CNTN4: variants seen among roughly 807,000 people sequenced by gnomAD.
CNTN4 encodes the protein contactin-4.
CNTN4 carries 77 observed loss-of-function variants against 122.5 expected under a neutral mutation model. The ratio of observed to expected loss-of-function variants is 0.63; its 90% CI spans 0.52 to 0.76. The LOEUF (loss-of-function observed/expected upper bound fraction) is 0.76. Ranked by LOEUF, CNTN4 falls within the 30% of genes least tolerant of loss-of-function variation. The probability of loss-of-function intolerance (pLI) is 0.00; values close to 1 mark genes in which losing one functional copy is unlikely to be tolerated. For synonymous variants in CNTN4, 512 were observed against 447.0 expected, an observed-to-expected ratio of 1.15 and a Z score of -1.83; for missense variants, 1,256 against 1,259.1, an observed-to-expected ratio of 1.00 and a Z score of 0.04.
chr3:3,042,450 T>C, intron 21 of CNTN4, 28 bp downstream of exon 21: 2 of 1,416,600 alleles, frequency 1.4e-6, no homozygotes, highest in Non-Finnish European at 2.0e-6. Flanking sequence ...GCCTTGGGTC[T>C]GAAAGAGAGT....
In CNTN4 at chr3:2,602,811, G is replaced by T. The variant is rs528199060; in HGVS notation, c.55+31253G>T. 2.0e-4 allele frequency among the ~76,000 whole-genome samples: 31 copies of T among 152,238 alleles called. 1 individual carries two copies. Among genetic ancestry groups the T allele is most frequent in the Admixed American group, 1.3e-3 (20 of 15,286 alleles). ...AGAAGCAGAGAAAACTAAAGTACAG[G>T]TTGTCTTCCTTAGCAAGTACAACCT... is the stretch of plus-strand genomic sequence containing the variant. On this transcript the variant is annotated intron_variant, in intron 4 of 24. Transcript: ENST00000418658.
chr3:2,870,839 G>T (rs2150874682), intron 8 of CNTN4, among the ~76,000 whole-genome samples: 1 of 152,204 alleles, frequency 6.6e-6, no homozygotes, highest in Non-Finnish European at 1.5e-5. Context: ...TAAGCAGTCT[G>T]GACTATGATT....
rs73104039 is a variant in CNTN4, at chr3:2,408,773, T to A, written c.-89+69540T>A. The stretch of plus-strand genomic sequence containing the variant: ...TTCATCATAGAATAAAATGTGGTGT[T>A]AGTAGATGTCAGTGTCATCATAGAT... On this transcript the variant is annotated intron_variant, in intron 3 of 24. Transcript: ENST00000418658. 6.8e-3 allele frequency among the ~76,000 whole-genome samples: 1,041 copies of A among 152,300 alleles called. 13 individuals are homozygous for A. Among genetic ancestry groups the A allele is most frequent in the African/African-American group, 0.023 (961 of 41,572 alleles).
At chr3:2,790,041 C>G (rs183841960) in intron 6 of CNTN4, among the ~76,000 whole-genome samples, 73 of 152,190 alleles carry the variant, frequency 4.8e-4, no homozygotes, top group Non-Finnish European at 8.8e-4. Flanking sequence ...TTGCATTTAC[C>G]ACATGCCACG....
At chr3:2,201,980 A>G (rs963483107) in intron 2 of CNTN4, among the ~76,000 whole-genome samples, 1 of 152,174 alleles carries the variant, frequency 6.6e-6, no homozygotes, top group Non-Finnish European at 1.5e-5. Flanking sequence ...AAATATATTA[A>G]AAAGGCTTAA....
At chr3:2,212,314 T>C (rs1413555522) in intron 2 of CNTN4, among the ~76,000 whole-genome samples, 2 of 152,128 alleles carry the variant, frequency 1.3e-5, no homozygotes, top group African/African-American at 4.8e-5. Flanking sequence ...GGACTTAAAA[T>C]GCTTCTGTAT....
At position 2,571,452 on chromosome 3, in the gene CNTN4, T is replaced by G; in HGVS notation, c.-52T>G. The G allele has an allele frequency of 2.3e-6, 3 of 1,288,710 alleles. No individual in the cohort carries two copies. The highest frequency in any genetic ancestry group is 2.4e-5 in the South Asian group (2 of 84,396). The allele number at this position is 1,288,710 out of a possible 1,614,324, so 79.8% of individuals were successfully genotyped here. On this transcript the variant is annotated 5_prime_UTR_variant, in exon 4 of 25. It adds an upstream start codon to the 5' untranslated region. Coordinates refer to ENST00000418658, the MANE Select transcript of CNTN4 (RefSeq NM_175607.3). ...TACAAAACTTAAAAGAAGCAGCAAT[T>G]CTATTCGCTTGTTATTGGACTTGAA...
chr3:2,237,977 C>A (rs1017695495), intron 2 of CNTN4, among the ~76,000 whole-genome samples: 1 of 152,002 alleles, frequency 6.6e-6, no homozygotes, highest in African/African-American at 2.4e-5. Context: ...ATCAGGTCCT[C>A]TGTAAATCCA....
At chr3:2,156,503 C>T (rs1382236449) in intron 2 of CNTN4, among the ~76,000 whole-genome samples, 2 of 152,136 alleles carry the variant, frequency 1.3e-5, no homozygotes, top group Non-Finnish European at 2.9e-5. Flanking sequence ...TGGATGTCCT[C>T]GGCGGACTTC....
rs1251537810 is a variant in CNTN4 at position 2,371,879 on chromosome 3, A to G, written c.-89+32646A>G. Among the ~76,000 whole-genome samples, 5 of 152,334 alleles carry G rather than the reference A, an allele frequency of 3.3e-5. No homozygotes were observed. The East Asian group carries it at 7.7e-4, about 23-fold the overall frequency. On this transcript the variant is annotated intron_variant, in intron 3 of 24. Coordinates refer to ENST00000418658, the MANE Select transcript of CNTN4 (RefSeq NM_175607.3). ...AGGCAGTGATTGGGAAACATGGTAA[A>G]TAATCAGCGCATGTAGTTGTGCTGT...
chr3:2,276,742 C>T (rs890627905), intron 2 of CNTN4, among the ~76,000 whole-genome samples: 1 of 151,942 alleles, frequency 6.6e-6, no homozygotes, highest in Non-Finnish European at 1.5e-5. Flanking sequence ...ATGGTGAAAC[C>T]CCGTCTCTAC....
intron 6 of CNTN4, among the ~76,000 whole-genome samples, chr3:2,746,218 T>G (rs900264585): frequency 2.6e-5 from 4 of 152,172 alleles, no homozygotes; most frequent in African/African-American, 9.7e-5. Flanking sequence ...AAAAACTCAG[T>G]AGTCAATTAA....
intron 4 of CNTN4, among the ~76,000 whole-genome samples, chr3:2,640,952 A>G (rs1424341459): frequency 1.3e-5 from 2 of 152,260 alleles, no homozygotes; most frequent in South Asian, 4.1e-4. Context: ...ATAAGAGGGG[A>G]AGAGAATAAG....
chr3:2,612,439 G>A (rs2081539541), intron 4 of CNTN4, among the ~76,000 whole-genome samples: 2 of 152,120 alleles, frequency 1.3e-5, no homozygotes, highest in Admixed American at 1.3e-4. Flanking sequence ...AATTTTTACT[G>A]AATGTGTATT....
intron 13 of CNTN4, among the ~76,000 whole-genome samples, chr3:2,942,667 A>T (rs575332546): frequency 6.6e-6 from 1 of 152,328 alleles, no homozygotes; most frequent in African/African-American, 2.4e-5. Flanking sequence ...AATATTTCCC[A>T]ACACGAGTTC....
At chr3:2,719,364 C>T (rs1027487180) in intron 4 of CNTN4, among the ~76,000 whole-genome samples, 5 of 150,810 alleles carry the variant, frequency 3.3e-5, no homozygotes, top group Admixed American at 6.6e-5. Flanking sequence ...GTCATGATCT[C>T]GGCTCACTGC....
intron 4 of CNTN4, among the ~76,000 whole-genome samples, chr3:2,602,897 G>T (rs2081106805): frequency 6.6e-6 from 1 of 152,152 alleles, no homozygotes; most frequent in African/African-American, 2.4e-5. Context: ...CTTAAGTAAG[G>T]GGGGTTCCAG....
At chr3:2,870,698 A>T (rs1057480557) in intron 8 of CNTN4, among the ~76,000 whole-genome samples, 2 of 152,204 alleles carry the variant, frequency 1.3e-5, no homozygotes, top group Non-Finnish European at 2.9e-5. Flanking sequence ...AAAGGGAAAA[A>T]AAGCAAGGCA....
At chr3:2,812,678 T>C (rs2092641381) in intron 6 of CNTN4, among the ~76,000 whole-genome samples, 1 of 152,220 alleles carries the variant, frequency 6.6e-6, no homozygotes, top group Non-Finnish European at 1.5e-5. Context: ...TTCCTTTGGA[T>C]GCTCAAAAGT....
Sources: gnomAD v4.1 joint callset for allele counts (sites outside exome capture counted in the v4.1 genomes callset) on GRCh38, gnomAD v4.1.1 for gene constraint, MANE v1.5 for transcripts, NCBI Gene and HGNC (gene_info 2026-07-23, HGNC 2026-07-21) for gene names.